The following FBXO17 variants were observed in gnomAD, a reference collection of about 807,000 sequenced individuals.
FBXO17 encodes the protein F-box only protein 17.
Under a neutral mutation model 34.1 loss-of-function variants are expected in FBXO17, and 43 were observed. The ratio of observed to expected loss-of-function variants is 1.26; its 90% CI spans 0.99 to 1.62. The LOEUF is 1.62. Ranked by LOEUF, FBXO17 falls within the 40% of genes most tolerant of loss-of-function variation. The probability of loss-of-function intolerance (pLI) is 0.00; values close to 1 mark genes in which losing one functional copy is unlikely to be tolerated. For synonymous variants in FBXO17, 169 were observed against 166.0 expected (o/e 1.02, Z -0.14); for missense variants, 424 against 386.7 (o/e 1.10, Z -0.81).
intron 1 of FBXO17, among the ~76,000 whole-genome samples, chr19:38,954,971 C>T (rs1407262410): frequency 2.0e-5 from 3 of 148,648 alleles, no homozygotes; most frequent in Non-Finnish European, 4.4e-5. Context: ...TGCTCTGTTG[C>T]CCAGCCTGGA....
Position 38,942,770 on chromosome 19 carries a change from T to A in FBXO17, c.694-19A>T. ...GGGAGACCTGCAGGGGGAAGGGGAG[T>A]GAGAGGGTGAGGGCCTGCGGGCCCC... On this transcript the variant is annotated intron_variant, in intron 5 of 5. Coordinates refer to ENST00000292852, the MANE Select transcript of FBXO17 (RefSeq NM_024907.7). 1 of 1,591,544 alleles carries A rather than the reference T, an allele frequency of 6.3e-7. No homozygotes were observed. The highest frequency in any genetic ancestry group is 8.5e-7 in the Non-Finnish European group (1 of 1,171,572).
At chr19:38,949,929 G>T (rs1185911646) in intron 2 of FBXO17, 42 bp downstream of exon 2, 23 of 1,412,912 alleles carry the variant, frequency 1.6e-5, no homozygotes, top group Admixed American at 2.8e-5. Flanking sequence ...CCTCGCTCGC[G>T]CGGCCCCCCT....
In FBXO17 at chr19:38,961,048, T is replaced by C. The variant is rs1975242463; in HGVS notation, c.-17-10712A>G. 2.0e-5 allele frequency among the ~76,000 whole-genome samples: 3 copies of C among 152,048 alleles called. No individual in the cohort carries two copies. The South Asian group carries it at 6.2e-4, about 32-fold the overall frequency. Reference sequence around the variant, plus strand: ...GTCTCGAACTCCTGACCTCAAGTGATCCTCCCGCCTTGGCCTCCTAAAGTG... The same window carrying C: ...GTCTCGAACTCCTGACCTCAAGTGACCCTCCCGCCTTGGCCTCCTAAAGTG... On this transcript the variant is annotated intron_variant, in intron 1 of 5. Coordinates refer to ENST00000292852, the MANE Select transcript of FBXO17 (RefSeq NM_024907.7).
rs1032644933 is a variant in FBXO17 at position 38,946,575 on chromosome 19, G to A, written c.462-8C>T. ...TGCCTCTTGGAGCACCATCTGGGAA[G>A]GAGAGATGGCAGGGGGCAGGGCAAA... On this transcript the variant is annotated splice_region_variant and splice_polypyrimidine_tract_variant and intron_variant, in intron 3 of 5. Transcript: ENST00000292852. The A allele has an allele frequency of 3.1e-6, 5 of 1,613,714 alleles. No homozygotes were observed. The highest frequency in any genetic ancestry group is 4.2e-6 in the Non-Finnish European group (5 of 1,179,864).
intron 1 of FBXO17, among the ~76,000 whole-genome samples, chr19:38,974,377 C>T (rs551936053): frequency 2.0e-5 from 3 of 151,954 alleles, no homozygotes; most frequent in Non-Finnish European, 2.9e-5. Flanking sequence ...CGCGCACGCC[C>T]GGCCTAAAAA....
chr19:38,946,568 C>G lies in FBXO17; in HGVS notation c.462-1G>C. ...CACAAGCTGCCTCTTGGAGCACCAT[C>G]TGGGAAGGAGAGATGGCAGGGGGCA... On this transcript the variant is annotated splice_acceptor_variant, in intron 3 of 5. Transcript: ENST00000292852. LOFTEE classifies it high-confidence loss of function. 1 of 1,613,982 alleles carries G rather than the reference C, an allele frequency of 6.2e-7. No homozygotes were observed.
chr19:38,958,768 C>T (rs954549659), intron 1 of FBXO17, among the ~76,000 whole-genome samples: 1 of 152,178 alleles, frequency 6.6e-6, no homozygotes, highest in Non-Finnish European at 1.5e-5. Flanking sequence ...CTATCTGACA[C>T]GCTTTTTCAG....
At chr19:38,965,714 C>T (rs1266504263) in intron 1 of FBXO17, among the ~76,000 whole-genome samples, 1 of 152,010 alleles carries the variant, frequency 6.6e-6, no homozygotes, top group Non-Finnish European at 1.5e-5. Context: ...GCCATGTTGG[C>T]CAGGCTGGTC....
At chr19:38,961,668 T>A (rs1975252093) in intron 1 of FBXO17, among the ~76,000 whole-genome samples, 3 of 151,828 alleles carry the variant, frequency 2.0e-5, no homozygotes, top group Admixed American at 1.3e-4. Context: ...TGTTTTGTTT[T>A]GTTTTGTTTT....
At chr19:38,970,836 C>A (rs1406127788) in intron 1 of FBXO17, among the ~76,000 whole-genome samples, 1 of 152,100 alleles carries the variant, frequency 6.6e-6, no homozygotes, top group Non-Finnish European at 1.5e-5. Flanking sequence ...CATGGTGACT[C>A]ACGCCTATAA....
intron 1 of FBXO17, among the ~76,000 whole-genome samples, chr19:38,959,236 A>T (rs956854706): frequency 6.6e-6 from 1 of 150,554 alleles, no homozygotes; most frequent in Admixed American, 6.6e-5. Flanking sequence ...AGGCTGGATC[A>T]TAAAAGAGTA....
At chr19:38,943,566 C>T (rs969320967) in intron 5 of FBXO17, among the ~76,000 whole-genome samples, 2 of 151,604 alleles carry the variant, frequency 1.3e-5, no homozygotes, top group Non-Finnish European at 2.9e-5. Context: ...TGAGCCACTG[C>T]GCCCAGCCAA....
intron 1 of FBXO17, among the ~76,000 whole-genome samples, chr19:38,966,240 G>A (rs991075138): frequency 6.6e-6 from 1 of 150,964 alleles, no homozygotes; most frequent in Non-Finnish European, 1.5e-5. Context: ...AAAGTGCTGG[G>A]ATTACAGGCA....
At position 38,950,064 on chromosome 19, in the gene FBXO17, C is replaced by T. The variant is rs779995119; in HGVS notation, c.256G>A (p.Glu86Lys). ...CACAGCGGGAACTCCTCCTTGTCTT[C>T]GTTGCTGGGCAGGCAGCGTTGAGCC... is the stretch of plus-strand genomic sequence containing the variant. ...AVAQRCLPSN[E>K]DKEEFPLCAL... Residue 86 changes from glutamate (E) to lysine (K), a missense_variant, in exon 2 of 6, where the codon GAA becomes AAA. Transcript: ENST00000292852. 1.9e-5 allele frequency: 30 copies of T among 1,568,960 alleles called. No homozygotes were observed. The African/African-American group carries it at 3.7e-4, about 19-fold the overall frequency.
At chr19:38,961,723 G>A (rs1313264140) in intron 1 of FBXO17, among the ~76,000 whole-genome samples, 1 of 151,996 alleles carries the variant, frequency 6.6e-6, no homozygotes, top group East Asian at 1.9e-4. Flanking sequence ...GTGCAGGGGC[G>A]CGATTTCGGC....
In FBXO17 at chr19:38,962,875, G is replaced by A. The variant is rs147493111; in HGVS notation, c.-17-12539C>T. Among the ~76,000 whole-genome samples, 514 of 151,928 alleles carry A rather than the reference G, an allele frequency of 3.4e-3. 2 individuals carry two copies. The highest frequency in any genetic ancestry group is 0.012 in the African/African-American group (485 of 41,436). Reference sequence around the variant, plus strand: ...TGGGACTACAGGCACACGCCACCACGCCCAGCTACTTTTTGTAGTAGGGAC... The same window carrying A: ...TGGGACTACAGGCACACGCCACCACACCCAGCTACTTTTTGTAGTAGGGAC... On this transcript the variant is annotated intron_variant, in intron 1 of 5. Coordinates refer to ENST00000292852, the MANE Select transcript of FBXO17 (RefSeq NM_024907.7).
intron 1 of FBXO17, among the ~76,000 whole-genome samples, chr19:38,956,165 C>G (rs1295523035): frequency 6.6e-6 from 1 of 151,280 alleles, no homozygotes. Flanking sequence ...ACTCAGGAGG[C>G]TGAGGCAGGA....
At position 38,975,248 on chromosome 19, in the gene FBXO17, C is replaced by T. The variant is rs901844411; in HGVS notation, c.-18+338G>A. On this transcript the variant is annotated intron_variant, in intron 1 of 5. Coordinates refer to ENST00000292852, the MANE Select transcript of FBXO17 (RefSeq NM_024907.7). This position sits in a 1 kb window ranked among gnomAD's most constrained non-coding sequence, Gnocchi z 4.9. Reference sequence around the variant, plus strand: ...GGCCTTCCCCGGGCTGTTGCGCCCACGTGTTGGTTTGCAGCGTTTGGCAGG... The same window carrying T: ...GGCCTTCCCCGGGCTGTTGCGCCCATGTGTTGGTTTGCAGCGTTTGGCAGG... Among the ~76,000 whole-genome samples the T allele has an allele frequency of 3.9e-5, 6 of 152,214 alleles. No homozygotes were observed. Among genetic ancestry groups the T allele is most frequent in the Non-Finnish European group, 8.8e-5 (6 of 68,032 alleles).
intron 5 of FBXO17, 101 bp downstream of exon 5, chr19:38,944,868 A>C: frequency 6.7e-7 from 1 of 1,497,004 alleles, no homozygotes; most frequent in Non-Finnish European, 9.1e-7. Context: ...TGTTATGATT[A>C]TAGATATCCA....
Sources: allele counts gnomAD v4.1 joint callset (sites outside exome capture counted in the v4.1 genomes callset), GRCh38; gene constraint gnomAD v4.1.1; non-coding constraint Gnocchi (gnomAD v3.1); transcripts MANE v1.5; gene names NCBI Gene and HGNC (gene_info 2026-07-23, HGNC 2026-07-21).